Variants in LMBRD1 observed in about 807,000 individuals in gnomAD.
LMBRD1 encodes the protein lysosomal cobalamin transport escort protein LMBD1.
A neutral mutation model predicts 74.8 loss-of-function variants in LMBRD1; 64 were observed. That is an observed-to-expected ratio of 0.86 (90% CI 0.70 to 1.05). The LOEUF (loss-of-function observed/expected upper bound fraction) is 1.05. Among genes scored for constraint, LMBRD1 ranks in the 50% least tolerant of loss-of-function variants. LMBRD1 has a pLI of 0.00. For missense variants in LMBRD1, 652 were observed against 645.9 expected (o/e 1.01, Z -0.10); for synonymous variants, 204 against 216.3 (o/e 0.94, Z 0.50).
In LMBRD1 at chr6:69,781,943, T is replaced by C. The variant is rs73486048; in HGVS notation, c.247-1389A>G. ...AAACAAGCTAGGGCCAGAAATAAAT[T>C]TGAAAAAGACCAACAAGAAGGAATT... On this transcript the variant is annotated intron_variant, in intron 2 of 15. Coordinates refer to ENST00000649934, the MANE Select transcript of LMBRD1 (RefSeq NM_018368.4). Among the ~76,000 whole-genome samples the C allele has an allele frequency of 5.0e-3, 763 of 152,214 alleles. 5 individuals carry two copies. Among genetic ancestry groups the C allele is most frequent in the African/African-American group, 0.014 (602 of 41,528 alleles).
chr6:69,694,692 C>CA (rs1477751295), intron 14 of LMBRD1, among the ~76,000 whole-genome samples: 1 of 152,020 alleles, frequency 6.6e-6, no homozygotes, highest in Non-Finnish European at 1.5e-5. Flanking sequence ...GCTTTCCATC[C>CA]TTAAATCCCC....
At chr6:69,783,800 TA>T (rs781263326) in intron 2 of LMBRD1, among the ~76,000 whole-genome samples, 9 of 152,152 alleles carry the variant, frequency 5.9e-5, no homozygotes, top group Non-Finnish European at 1.0e-4. Flanking sequence ...CAGGAGGTAG[TA>T]ATGTCTCCAC....
At chr6:69,745,650 T>C (rs1012985511) in intron 5 of LMBRD1, among the ~76,000 whole-genome samples, 1 of 152,304 alleles carries the variant, frequency 6.6e-6, no homozygotes, top group Middle Eastern at 3.4e-3. Context: ...ACCTGAAACA[T>C]CATATTACCC....
In LMBRD1 at chr6:69,697,626, C is replaced by A; in HGVS notation, c.1354G>T (p.Asp452Tyr). The A allele has an allele frequency of 1.3e-6, 2 of 1,587,736 alleles. No individual in the cohort carries two copies. The change falls in exon 14 of 16, where the codon GAT becomes TAT. Residue 452 changes from aspartate (D) to tyrosine (Y), a missense_variant. Physicochemically the swap from Asp to Tyr is radical, Grantham distance 160. Around this residue, in one of 3 missense-constraint regions of LMBRD1, gnomAD observed 598 missense variants for 581.8 expected, o/e 1.03. Transcript: ENST00000649934. Reference sequence around the variant, plus strand: ...AGGGTTGAATTGCCTTTATGATTATCAGAAGTTATATTAGTCTGAAAGATA... The same window carrying A: ...AGGGTTGAATTGCCTTTATGATTATAAGAAGTTATATTAGTCTGAAAGATA... ...NYLIETNITSDNHKGNSTLSV... is the reference protein window; with the variant it reads ...NYLIETNITSYNHKGNSTLSV...
intron 3 of LMBRD1, among the ~76,000 whole-genome samples, chr6:69,754,859 A>C (rs906708752): frequency 6.6e-6 from 1 of 152,220 alleles, no homozygotes; most frequent in Non-Finnish European, 1.5e-5. Context: ...CTGGTCAATA[A>C]GAAATGCAAA....
At chr6:69,699,440 C>A (rs1055149513) in intron 12 of LMBRD1, among the ~76,000 whole-genome samples, 1 of 151,698 alleles carries the variant, frequency 6.6e-6, no homozygotes, top group Admixed American at 6.6e-5. Context: ...TAACTGTGAA[C>A]TACCTCTAGT....
intron 3 of LMBRD1, among the ~76,000 whole-genome samples, chr6:69,778,636 C>T (rs190652383): frequency 2.9e-4 from 44 of 152,178 alleles, no homozygotes; most frequent in Non-Finnish European, 4.9e-4. Context: ...AGGTGACAGA[C>T]CTCCCCCCCT....
At chr6:69,779,669 T>C (rs902487953) in intron 3 of LMBRD1, among the ~76,000 whole-genome samples, 1 of 152,146 alleles carries the variant, frequency 6.6e-6, no homozygotes, top group African/African-American at 2.4e-5. Flanking sequence ...TTAAAGTAAC[T>C]TGACTGAACT....
intron 14 of LMBRD1, among the ~76,000 whole-genome samples, chr6:69,682,020 G>A (rs1765673979): frequency 6.6e-6 from 1 of 151,840 alleles, no homozygotes; most frequent in South Asian, 2.1e-4. Flanking sequence ...GAAGAAAAAA[G>A]TTGGGATCTG....
At chr6:69,724,012 C>T (rs1766671898) in intron 7 of LMBRD1, among the ~76,000 whole-genome samples, 1 of 151,928 alleles carries the variant, frequency 6.6e-6, no homozygotes, top group East Asian at 1.9e-4. Context: ...TCATTAGTGG[C>T]TACTATGAAC....
chr6:69,781,514 CTT>C (rs1765835161), intron 2 of LMBRD1, among the ~76,000 whole-genome samples: 1 of 152,014 alleles, frequency 6.6e-6, no homozygotes, highest in Non-Finnish European at 1.5e-5. Context: ...AAGGATTTTT[CTT>C]TTCTCTTTTT....
chr6:69,772,821 A>G (rs1253587208), intron 3 of LMBRD1, among the ~76,000 whole-genome samples: 3 of 152,194 alleles, frequency 2.0e-5, no homozygotes, highest in African/African-American at 7.2e-5. Context: ...AAGAAAATTG[A>G]AATTTGATGA....
intron 14 of LMBRD1, among the ~76,000 whole-genome samples, chr6:69,678,774 T>C (rs77793018): frequency 0.016 from 2,469 of 152,158 alleles, 54 homozygotes; most frequent in African/African-American, 0.056. Context: ...TCTCAAAACA[T>C]AAAATTGAGC....
chr6:69,677,993 T>C (rs1033462489), intron 14 of LMBRD1, among the ~76,000 whole-genome samples: 9 of 152,088 alleles, frequency 5.9e-5, no homozygotes, highest in Non-Finnish European at 1.2e-4. Context: ...GGCAACACAG[T>C]ACAGTTGACC....
chr6:69,702,776 GTTA>G (rs1011311137), intron 9 of LMBRD1, among the ~76,000 whole-genome samples: 13 of 152,078 alleles, frequency 8.5e-5, no homozygotes, highest in African/African-American at 2.9e-4. Flanking sequence ...AGTAAGCACA[GTTA>G]AGTGTGTTGG....
chr6:69,743,557 T>A (rs1343025857), intron 5 of LMBRD1, among the ~76,000 whole-genome samples: 2 of 152,198 alleles, frequency 1.3e-5, no homozygotes, highest in Non-Finnish European at 2.9e-5. Flanking sequence ...ACTATCAGAA[T>A]GACTTCAGGA....
intron 14 of LMBRD1, among the ~76,000 whole-genome samples, chr6:69,688,600 C>T (rs1244319166): frequency 6.6e-6 from 1 of 151,958 alleles, no homozygotes; most frequent in Admixed American, 6.6e-5. Flanking sequence ...TACCTACCTA[C>T]TCATACTTTT....
At chr6:69,796,304 C>T (rs182136043) in intron 1 of LMBRD1, among the ~76,000 whole-genome samples, 1 of 152,288 alleles carries the variant, frequency 6.6e-6, no homozygotes, top group East Asian at 1.9e-4. Context: ...GTCATCAAGG[C>T]AGAATCACAC....
chr6:69,693,778 C>A (rs1765938277), intron 14 of LMBRD1, among the ~76,000 whole-genome samples: 1 of 151,684 alleles, frequency 6.6e-6, no homozygotes, highest in Non-Finnish European at 1.5e-5. Flanking sequence ...GTGTCTAATC[C>A]AATGTCCTAA....
Sources: gnomAD v4.1 joint callset for allele counts (sites outside exome capture counted in the v4.1 genomes callset) on GRCh38, gnomAD v4.1.1 for gene constraint, gnomAD v4.1.1 regional missense constraint, MANE v1.5 for transcripts, NCBI Gene and HGNC (gene_info 2026-07-23, HGNC 2026-07-21) for gene names.